The following FZD2 variants were observed in gnomAD, a reference collection of about 807,000 sequenced individuals.
FZD2 encodes frizzled-2.
Under a neutral mutation model 36.7 loss-of-function variants are expected in FZD2, and 17 were observed. The observed-to-expected ratio is 0.46, with a 90% confidence interval of 0.32 to 0.70. The LOEUF (loss-of-function observed/expected upper bound fraction) is 0.70. FZD2 is among the 30% of genes least tolerant of loss of function. FZD2 has a pLI of 0.04. For synonymous variants in FZD2, 333 were observed against 359.6 expected, an observed-to-expected ratio of 0.93 and a Z score of 0.84; for missense variants, 525 against 805.6, an observed-to-expected ratio of 0.65 and a Z score of 4.22.
rs774393794 is a variant in FZD2 at position 44,558,042 on chromosome 17, C to T, written c.354C>T (p.Arg118=). 1 of 1,612,626 alleles carries T rather than the reference C, an allele frequency of 6.2e-7. No homozygotes were observed. Residue 118 remains arginine (R), a synonymous_variant, in exon 1 of 1, where the codon CGC becomes CGT. Coordinates refer to ENST00000315323, the MANE Select transcript of FZD2 (RefSeq NM_001466.4). This position sits in a 1 kb window ranked among gnomAD's most constrained non-coding sequence, Gnocchi z 9.3. ...PPCRSICERA[R]QGCEALMNKF... Reference sequence around the variant, plus strand: ...GCCGCTCTATCTGTGAGCGCGCGCGCCAGGGCTGCGAAGCCCTCATGAACA... The same window carrying T: ...GCCGCTCTATCTGTGAGCGCGCGCGTCAGGGCTGCGAAGCCCTCATGAACA...
In FZD2 at chr17:44,559,346, C is replaced by T. The variant is rs201750182; in HGVS notation, c.1658C>T (p.Thr553Ile). 5.2e-5 allele frequency: 84 copies of T among 1,611,414 alleles called. 1 individual carries two copies. In the Admixed American group the frequency reaches 9.4e-4, roughly 18 times the overall value. ...KTLHSWRKFY[T>I]RLTNSRHGET... ...CTGCACTCGTGGAGGAAGTTCTACA[C>T]TCGCCTCACCAACAGCCGACACGGT... The change falls in exon 1 of 1, where the codon ACT (threonine) becomes ATT (isoleucine). Residue 553 changes from threonine to isoleucine, a missense_variant. By Grantham distance (89) the Thr-to-Ile change is moderately conservative. This residue lies in a region of FZD2 where 189 missense variants were observed against 298.1 expected (regional missense o/e 0.63). Transcript: ENST00000315323. The surrounding 1 kb of genome is among the most constrained non-coding windows in gnomAD (Gnocchi z 4.4).
At position 44,557,523 on chromosome 17, in the gene FZD2, CCT is replaced by C; in HGVS notation, c.-164_-163del. 1.9e-6 allele frequency: 1 copy of C among 519,354 alleles called. No individual in the cohort carries two copies. Among genetic ancestry groups the C allele is most frequent in the Non-Finnish European group, 3.3e-6 (1 of 299,942 alleles). 32.2% of individuals were successfully genotyped at this position (519,354 alleles called of 1,614,324 possible). On this transcript the variant is annotated 5_prime_UTR_variant, in exon 1 of 1. Coordinates refer to ENST00000315323, the MANE Select transcript of FZD2 (RefSeq NM_001466.4). The surrounding 1 kb of genome is among the most constrained non-coding windows in gnomAD (Gnocchi z 4.9). ...AAGCAAGCGGGCAGGCGCACCGCCC[CCT>C]CCCCCGCCCGGCCTCCCCAACTCTG... is the stretch of plus-strand genomic sequence containing the variant.
At position 44,558,144 on chromosome 17, in the gene FZD2, C is replaced by A. The variant is rs1970848373; in HGVS notation, c.456C>A (p.Gly152=). 2 of 1,601,908 alleles carry A rather than the reference C, an allele frequency of 1.2e-6. No homozygotes were observed. Among genetic ancestry groups the A allele is most frequent in the African/African-American group, 2.7e-5 (2 of 74,396 alleles). ...PRHGAEQICV[G]QNHSEDGAPA... ...ACGGCGCCGAGCAGATCTGCGTCGG[C>A]CAGAACCACTCCGAGGACGGAGCTC... The change falls in exon 1 of 1, where the codon GGC becomes GGA. Residue 152 remains glycine (G), a synonymous_variant. Coordinates refer to ENST00000315323, the MANE Select transcript of FZD2 (RefSeq NM_001466.4). The surrounding 1 kb of genome is among the most constrained non-coding windows in gnomAD (Gnocchi z 9.3).
At position 44,558,200 on chromosome 17, in the gene FZD2, G is replaced by T; in HGVS notation, c.512G>T (p.Gly171Val). ...CTACTCACCACCGCGCCGCCGCCGGGACTGCAGCCGGGTGCCGGGGGCACC... is the reference window on the plus strand; with the variant it reads ...CTACTCACCACCGCGCCGCCGCCGGTACTGCAGCCGGGTGCCGGGGGCACC... Reference protein sequence around the residue: ...PALLTTAPPPGLQPGAGGTPG... With the variant: ...PALLTTAPPPVLQPGAGGTPG... The change falls in exon 1 of 1, where the codon GGA becomes GTA. Residue 171 changes from glycine to valine, a missense_variant. Physicochemically the swap from Gly to Val is moderately radical, Grantham distance 109 (BLOSUM62 -3). Coordinates refer to ENST00000315323, the MANE Select transcript of FZD2 (RefSeq NM_001466.4). This position sits in a 1 kb window ranked among gnomAD's most constrained non-coding sequence, Gnocchi z 9.3. 6.9e-7 allele frequency: 1 copy of T among 1,458,164 alleles called. No individual in the cohort carries two copies. The highest frequency in any genetic ancestry group is 9.0e-7 in the Non-Finnish European group (1 of 1,111,262). The allele number at this position is 1,458,164 out of a possible 1,614,324, so 90.3% of individuals were successfully genotyped here. A position where few individuals can be genotyped will look rare whatever the true frequency, so the allele number is the denominator to read the frequency against.
rs897423446 is a variant in FZD2 at position 44,560,575 on chromosome 17, T to C, written c.*1189T>C. Reference sequence around the variant, plus strand: ...AAAAAAATGAAAAAAAAAAAAAAGGTGGTATCTTTGCTTTAGAAGAAGTCT... The same window carrying C: ...AAAAAAATGAAAAAAAAAAAAAAGGCGGTATCTTTGCTTTAGAAGAAGTCT... On this transcript the variant is annotated 3_prime_UTR_variant, in exon 1 of 1. Coordinates refer to ENST00000315323, the MANE Select transcript of FZD2 (RefSeq NM_001466.4). 7.0e-6 allele frequency among the ~76,000 whole-genome samples: 1 copy of C among 141,920 alleles called. No homozygotes were observed. Among genetic ancestry groups the C allele is most frequent in the East Asian group, 2.0e-4 (1 of 4,900 alleles). The allele number at this position is 141,920 out of a possible 152,430, so 93.1% of individuals were successfully genotyped here.
At position 44,559,126 on chromosome 17, in the gene FZD2, T is replaced by C; in HGVS notation, c.1438T>C (p.Tyr480His). The change falls in exon 1 of 1, where the codon TAC becomes CAC. Residue 480 changes from tyrosine to histidine, a missense_variant. Tyr to His is a moderately conservative substitution (Grantham distance 83). This residue lies in a region of FZD2 where 189 missense variants were observed against 298.1 expected (regional missense o/e 0.63). Coordinates refer to ENST00000315323, the MANE Select transcript of FZD2 (RefSeq NM_001466.4). The surrounding 1 kb of genome is among the most constrained non-coding windows in gnomAD (Gnocchi z 4.4). Reference sequence around the variant, plus strand: ...GCCCGCCACCATCGTCATCGCTTGCTACTTCTACGAGCAGGCCTTCCGCGA... The same window carrying C: ...GCCCGCCACCATCGTCATCGCTTGCCACTTCTACGAGCAGGCCTTCCGCGA... ...TVPATIVIACYFYEQAFREHW... is the reference protein window; with the variant it reads ...TVPATIVIACHFYEQAFREHW... The C allele has an allele frequency of 1.2e-6, 2 of 1,614,084 alleles. No homozygotes were observed. Among genetic ancestry groups the C allele is most frequent in the South Asian group, 1.1e-5 (1 of 91,092 alleles).
chr17:44,559,166 C>G lies in FZD2; in HGVS notation c.1478C>G (p.Ser493Trp). 1.9e-6 allele frequency: 3 copies of G among 1,613,924 alleles called. No individual in the cohort carries two copies. Among genetic ancestry groups the G allele is most frequent in the Non-Finnish European group, 1.7e-6 (2 of 1,180,006 alleles). ...GCCTTCCGCGAGCACTGGGAGCGCTCGTGGGTGAGCCAGCACTGCAAGAGC... is the reference window on the plus strand; with the variant it reads ...GCCTTCCGCGAGCACTGGGAGCGCTGGTGGGTGAGCCAGCACTGCAAGAGC... ...EQAFREHWER[S>W]WVSQHCKSLA... Residue 493 changes from serine to tryptophan, a missense_variant, in exon 1 of 1, where the codon TCG becomes TGG. This residue lies in a region of FZD2 where 189 missense variants were observed against 298.1 expected (regional missense o/e 0.63). Transcript: ENST00000315323. This position sits in a 1 kb window ranked among gnomAD's most constrained non-coding sequence, Gnocchi z 4.4.
In FZD2 at chr17:44,560,415, T is replaced by G. The variant is rs1472857661; in HGVS notation, c.*1029T>G. On this transcript the variant is annotated 3_prime_UTR_variant, in exon 1 of 1. Transcript: ENST00000315323. Reference sequence around the variant, plus strand: ...CAGTTTCTGGGTTGGTTTGTGTGGGTTTTTGTTGTTGTTTGGGGCTTATTT... The same window carrying G: ...CAGTTTCTGGGTTGGTTTGTGTGGGGTTTTGTTGTTGTTTGGGGCTTATTT... Among the ~76,000 whole-genome samples, 1 of 152,014 alleles carries G rather than the reference T, an allele frequency of 6.6e-6. No individual in the cohort carries two copies. Among genetic ancestry groups the G allele is most frequent in the Non-Finnish European group, 1.5e-5 (1 of 68,026 alleles).
chr17:44,558,569 A>G lies in FZD2; in HGVS notation c.881A>G (p.Tyr294Cys). ...TGCTACACCATGGTGTCGGTGGCCT[A>G]CATCGCGGGCTTCGTGCTCCAGGAG... ...SGCYTMVSVA[Y>C]IAGFVLQERV... Residue 294 changes from tyrosine to cysteine, a missense_variant, in exon 1 of 1, where the codon TAC becomes TGC. Transcript: ENST00000315323. This position sits in a 1 kb window ranked among gnomAD's most constrained non-coding sequence, Gnocchi z 9.3. 1.2e-6 allele frequency: 2 copies of G among 1,606,810 alleles called. No individual in the cohort carries two copies. The highest frequency in any genetic ancestry group is 1.7e-6 in the Non-Finnish European group (2 of 1,175,824).
rs1306819714 is a variant in FZD2 at position 44,560,842 on chromosome 17, A to C, written c.*1456A>C. ...GCGTTTCTCCTGCCTCAGCCTCCCA[A>C]GTAGCTGGGACTACAGGCGCACGCC... is the stretch of plus-strand genomic sequence containing the variant. On this transcript the variant is annotated 3_prime_UTR_variant, in exon 1 of 1. Transcript: ENST00000315323. Among the ~76,000 whole-genome samples the C allele has an allele frequency of 6.6e-6, 1 of 152,162 alleles. No individual in the cohort carries two copies. Among genetic ancestry groups the C allele is most frequent in the African/African-American group, 2.4e-5 (1 of 41,430 alleles).
Position 44,560,916 on chromosome 17 carries a change from A to G in FZD2, c.*1530A>G, listed in dbSNP as rs1970881080. Among the ~76,000 whole-genome samples, 2 of 152,100 alleles carry G rather than the reference A, an allele frequency of 1.3e-5. No individual in the cohort carries two copies. The highest frequency in any genetic ancestry group is 6.5e-5 in the Admixed American group (1 of 15,268). ...TTTTTAGTAGACACAGGGTTTCACC[A>G]TATTGGCCAGGCTGGTCTCGAACTC... On this transcript the variant is annotated 3_prime_UTR_variant, in exon 1 of 1. Transcript: ENST00000315323.
Sources: allele counts gnomAD v4.1 joint callset (sites outside exome capture counted in the v4.1 genomes callset), GRCh38; gene constraint gnomAD v4.1.1; regional missense constraint gnomAD v4.1.1; non-coding constraint Gnocchi (gnomAD v3.1); transcripts MANE v1.5; gene names NCBI Gene and HGNC (gene_info 2026-07-23, HGNC 2026-07-21).